PDE10A: variants seen among roughly 807,000 people sequenced by gnomAD.
PDE10A encodes the protein phosphodiesterase 10A.
A neutral mutation model predicts 97.7 loss-of-function variants in PDE10A; 39 were observed. The ratio of observed to expected loss-of-function variants is 0.40; its 90% CI spans 0.31 to 0.52. The LOEUF (loss-of-function observed/expected upper bound fraction) is 0.52, where lower values mean the gene tolerates loss of function less well. PDE10A is among the 20% of genes least tolerant of loss of function. The pLI is 0.56. For missense variants in PDE10A, 731 were observed against 1,047.8 expected (o/e 0.70, Z 4.17); for synonymous variants, 371 against 376.8 (o/e 0.98, Z 0.18).
chr6:165,930,625 C>G lies in PDE10A; in HGVS notation c.-615+56904G>C, dbSNP rs369095037. ...CATCAGTATTCCAATAAGCCCATGC[C>G]GTGCACGCCTTGCCCAAAGGCCGCT... On this transcript the variant is annotated intron_variant, in intron 1 of 19. Transcript: ENST00000366882. 2.3e-3 allele frequency among the ~76,000 whole-genome samples: 350 copies of G among 152,344 alleles called. 2 individuals are homozygous for G. The highest frequency in any genetic ancestry group is 8.0e-3 in the African/African-American group (333 of 41,574).
In PDE10A at chr6:165,450,270, G is replaced by T. The variant is rs748152336; in HGVS notation, c.1116C>A (p.Leu372=). The T allele has an allele frequency of 6.2e-7, 1 of 1,606,124 alleles. No individual in the cohort carries two copies. The highest frequency in any genetic ancestry group is 2.2e-5 in the East Asian group (1 of 44,690). ...TTTTAATGATGCTGCTCAGTTCATAGAGGAGTAGCTGGTTGTCTCCTCCTG... is the reference window on the plus strand; with the variant it reads ...TTTTAATGATGCTGCTCAGTTCATATAGGAGTAGCTGGTTGTCTCCTCCTG... ...LDTGGDNQLL[L]YELSSIIKIA... The change falls in exon 4 of 22, where the codon CTC becomes CTA. Residue 372 remains leucine (L), a synonymous_variant. Coordinates refer to ENST00000539869, the MANE Select transcript of PDE10A (RefSeq NM_001385079.1).
At chr6:165,638,190 C>CA (rs1398923658) in intron 1 of PDE10A, among the ~76,000 whole-genome samples, 1 of 151,960 alleles carries the variant, frequency 6.6e-6, no homozygotes, top group Non-Finnish European at 1.5e-5. Context: ...CTCCCCCCAC[C>CA]AAAAAAGAAA....
At chr6:165,368,530 T>C (rs907441620) in intron 18 of PDE10A, among the ~76,000 whole-genome samples, 1 of 151,940 alleles carries the variant, frequency 6.6e-6, no homozygotes, top group Non-Finnish European at 1.5e-5. Flanking sequence ...GAACAACCAC[T>C]TGAAAATTTA....
At chr6:165,511,543 C>A (rs768789948) in intron 2 of PDE10A, among the ~76,000 whole-genome samples, 48 of 151,900 alleles carry the variant, frequency 3.2e-4, no homozygotes, top group Non-Finnish European at 6.3e-4. Flanking sequence ...ATCCAAACAC[C>A]AGTTTAAACA....
intron 18 of PDE10A, among the ~76,000 whole-genome samples, chr6:165,351,022 G>A (rs1782658259): frequency 6.6e-6 from 1 of 152,046 alleles, no homozygotes; most frequent in Non-Finnish European, 1.5e-5. Flanking sequence ...CGATTTCTAG[G>A]ATCCCAAATT....
intron 18 of PDE10A, among the ~76,000 whole-genome samples, chr6:165,377,541 G>C (rs190285480): frequency 6.6e-6 from 1 of 152,122 alleles, no homozygotes; most frequent in Non-Finnish European, 1.5e-5. Flanking sequence ...GTTATTTTTA[G>C]GTGAATGTTT....
intron 1 of PDE10A, among the ~76,000 whole-genome samples, chr6:165,896,076 C>T (rs984647656): frequency 2.0e-5 from 3 of 152,306 alleles, no homozygotes; most frequent in South Asian, 2.1e-4. Flanking sequence ...ACATCCTGCC[C>T]GGGCCGTGGT....
intron 1 of PDE10A, among the ~76,000 whole-genome samples, chr6:165,739,562 T>G (rs1792667669): frequency 1.3e-5 from 2 of 151,208 alleles, no homozygotes. Context: ...AAAAAGCTTT[T>G]GAAATTGGTC....
intron 1 of PDE10A, among the ~76,000 whole-genome samples, chr6:165,696,525 T>G (rs1305100471): frequency 6.6e-6 from 1 of 152,070 alleles, no homozygotes; most frequent in Non-Finnish European, 1.5e-5. Flanking sequence ...GTACAATCTG[T>G]AGTTTTAGGG....
intron 2 of PDE10A, among the ~76,000 whole-genome samples, chr6:165,541,569 T>C (rs1255666099): frequency 1.3e-5 from 2 of 152,318 alleles, no homozygotes; most frequent in African/African-American, 4.8e-5. Flanking sequence ...AAAGACCATA[T>C]ATTCTTACAC....
intron 2 of PDE10A, among the ~76,000 whole-genome samples, chr6:165,529,766 G>C (rs552584660): frequency 6.6e-6 from 1 of 152,288 alleles, no homozygotes; most frequent in African/African-American, 2.4e-5. Context: ...CCTGTTGTAC[G>C]AAGGATAGCT....
At chr6:165,606,238 A>G (rs928860438) in intron 1 of PDE10A, among the ~76,000 whole-genome samples, 1 of 152,080 alleles carries the variant, frequency 6.6e-6, no homozygotes, top group Non-Finnish European at 1.5e-5. Flanking sequence ...AACAATTACA[A>G]TAACACTGAG....
intron 1 of PDE10A, among the ~76,000 whole-genome samples, chr6:165,631,265 T>A (rs1243287907): frequency 1.4e-5 from 2 of 145,724 alleles, no homozygotes; most frequent in Non-Finnish European, 2.9e-5. Context: ...GCAAATGACA[T>A]GATATTAATT....
At chr6:165,652,713 C>T (rs953791626) in intron 1 of PDE10A, among the ~76,000 whole-genome samples, 8 of 152,136 alleles carry the variant, frequency 5.3e-5, no homozygotes, top group Middle Eastern at 3.2e-3. Context: ...TATGCAAAGC[C>T]GCTTCTTACA....
intron 1 of PDE10A, among the ~76,000 whole-genome samples, chr6:165,885,399 C>T (rs576265008): frequency 1.3e-5 from 2 of 152,156 alleles, no homozygotes; most frequent in African/African-American, 4.8e-5. Flanking sequence ...CGTGAGAACT[C>T]CTTCACTATC....
At chr6:165,333,231 C>A in intron 21 of PDE10A, 104 bp from the exon 22 acceptor site, 3 of 738,070 alleles carry the variant, frequency 4.1e-6, no homozygotes, top group South Asian at 3.2e-5. Context: ...TGCACAACGG[C>A]ATTGTGTGGG....
At chr6:165,691,321 T>C (rs1178840673) in intron 1 of PDE10A, among the ~76,000 whole-genome samples, 1 of 150,230 alleles carries the variant, frequency 6.7e-6, no homozygotes, top group Non-Finnish European at 1.5e-5. Flanking sequence ...TATGATACCA[T>C]ATTTTTACTG....
chr6:165,560,405 C>G (rs1353035359), intron 1 of PDE10A, among the ~76,000 whole-genome samples: 2 of 152,170 alleles, frequency 1.3e-5, no homozygotes, highest in Non-Finnish European at 1.5e-5. Flanking sequence ...TGGAGCTTTC[C>G]CCAGAGCCTC....
intron 1 of PDE10A, among the ~76,000 whole-genome samples, chr6:165,855,407 T>A (rs1383283895): frequency 6.6e-6 from 1 of 151,446 alleles, no homozygotes. Flanking sequence ...GACTGTGGTC[T>A]GCCCAGACAT....
Sources: gnomAD v4.1 joint callset for allele counts (sites outside exome capture counted in the v4.1 genomes callset) on GRCh38, gnomAD v4.1.1 for gene constraint, MANE v1.5 for transcripts, NCBI Gene and HGNC (gene_info 2026-07-23, HGNC 2026-07-21) for gene names.